Variants in HERC2 observed in about 807,000 individuals in gnomAD.
The protein encoded by HERC2 is HECT and RLD domain containing E3 ubiquitin protein ligase 2.
In HERC2, 102 loss-of-function variants were observed where a neutral mutation model predicts 537.7. That is an observed-to-expected ratio of 0.19 (90% CI 0.16 to 0.22). HERC2 has a LOEUF of 0.22. Ranked by LOEUF, HERC2 falls within the 10% of genes least tolerant of loss-of-function variation. The pLI is 1.00. For synonymous variants in HERC2, 2,224 were observed against 2,466.2 expected, an observed-to-expected ratio of 0.90 and a Z score of 2.91; for missense variants, 4,236 against 6,198.2, an observed-to-expected ratio of 0.68 and a Z score of 10.63.
At chr15:28,144,259 C>A (rs764522325) in intron 72 of HERC2, 24 bp from the exon 73 acceptor site, 8 of 1,608,226 alleles carry the variant, frequency 5.0e-6, no homozygotes, top group Non-Finnish European at 6.8e-6. Flanking sequence ...CTGTAAACAT[C>A]CCCGGGTTTC....
chr15:28,283,448 T>C, intron 4 of HERC2, among the ~76,000 whole-genome samples: 1 of 152,096 alleles, frequency 6.6e-6, no homozygotes, highest in East Asian at 1.9e-4. Flanking sequence ...AATTCTTATA[T>C]CCAGCAAAAA....
At chr15:28,282,748 A>G (rs2076051407) in intron 4 of HERC2, among the ~76,000 whole-genome samples, 1 of 152,170 alleles carries the variant, frequency 6.6e-6, no homozygotes, top group African/African-American at 2.4e-5. Flanking sequence ...CCTGGCCAAC[A>G]TGGTGAAACC....
intron 25 of HERC2, among the ~76,000 whole-genome samples, chr15:28,237,434 T>C (rs1902578865): frequency 1.3e-5 from 2 of 152,248 alleles, no homozygotes; most frequent in Non-Finnish European, 2.9e-5. Flanking sequence ...TCAGAAAGTA[T>C]AATGAATTGT....
intron 3 of HERC2, among the ~76,000 whole-genome samples, chr15:28,295,448 T>C (rs180970316): frequency 1.8e-4 from 28 of 152,290 alleles, no homozygotes; most frequent in African/African-American, 6.5e-4. Context: ...AGACAGAGTC[T>C]TGACTCACCA....
chr15:28,239,132 A>G (rs1596305075), intron 23 of HERC2, among the ~76,000 whole-genome samples: 1 of 152,230 alleles, frequency 6.6e-6, no homozygotes, highest in East Asian at 1.9e-4. Context: ...CACATATTTG[A>G]AAATTATAAA....
intron 45 of HERC2, among the ~76,000 whole-genome samples, chr15:28,204,151 A>C (rs1471704415): frequency 6.6e-6 from 1 of 152,108 alleles, no homozygotes; most frequent in Non-Finnish European, 1.5e-5. Flanking sequence ...TGTAACGTCC[A>C]AAGAATCCAG....
At chr15:28,247,899 A>C (rs1398686954) in intron 21 of HERC2, among the ~76,000 whole-genome samples, 1 of 152,202 alleles carries the variant, frequency 6.6e-6, no homozygotes, top group Non-Finnish European at 1.5e-5. Flanking sequence ...CTACAAAATT[A>C]CTAATGGAAG....
chr15:28,132,602 C>A, intron 80 of HERC2, 51 bp downstream of exon 80: 3 of 1,354,238 alleles, frequency 2.2e-6, no homozygotes, highest in Non-Finnish European at 2.9e-6. Context: ...CATCTGACAG[C>A]AGCAGTGAGG....
At chr15:28,275,847 G>A (rs1002971589) in intron 5 of HERC2, among the ~76,000 whole-genome samples, 2 of 151,840 alleles carry the variant, frequency 1.3e-5, no homozygotes, top group African/African-American at 2.4e-5. Flanking sequence ...TGCACAGCAA[G>A]TAATTGTATG....
intron 20 of HERC2, 77 bp downstream of exon 20, chr15:28,254,263 A>G: frequency 9.4e-7 from 1 of 1,058,304 alleles, no homozygotes; most frequent in South Asian, 1.5e-5. Flanking sequence ...GGCCTGGGCA[A>G]CAAGAGCGAA....
intron 37 of HERC2, among the ~76,000 whole-genome samples, chr15:28,219,576 G>A (rs986566685): frequency 2.0e-5 from 3 of 152,238 alleles, no homozygotes; most frequent in African/African-American, 7.2e-5. Flanking sequence ...CCAGGCCCCA[G>A]AAGTGACGTG....
chr15:28,130,673 A>G lies in HERC2; in HGVS notation c.12571-79T>C, dbSNP rs1890016593. 1.6e-5 allele frequency: 16 copies of G among 974,652 alleles called. 1 individual carries two copies. Among genetic ancestry groups the G allele is most frequent in the South Asian group, 1.6e-4 (12 of 75,826 alleles). 60.4% of individuals were successfully genotyped at this position (974,652 alleles called of 1,614,324 possible). ...GCTATAACCACACTGAGATTTAACT[A>G]AATCTAGTAAGAATTCTGAAAACTT... is the stretch of plus-strand genomic sequence containing the variant. On this transcript the variant is annotated intron_variant, in intron 81 of 92. Coordinates refer to ENST00000261609, the MANE Select transcript of HERC2 (RefSeq NM_004667.6).
In HERC2 at chr15:28,151,473, C is replaced by T. The variant is rs1009256149; in HGVS notation, c.10900+1204G>A. Among the ~76,000 whole-genome samples, 3 of 151,952 alleles carry T rather than the reference C, an allele frequency of 2.0e-5. 1 individual carries two copies. On this transcript the variant is annotated intron_variant, in intron 70 of 92. Transcript: ENST00000261609. The stretch of plus-strand genomic sequence containing the variant: ...GACAGAGCAAGATCCTATCTCTAAA[C>T]AAATAAATACATAAATAAAATATAA...
chr15:28,158,492 G>A (rs1893242643), intron 69 of HERC2, among the ~76,000 whole-genome samples: 2 of 152,140 alleles, frequency 1.3e-5, no homozygotes. Context: ...ATTATGTAAT[G>A]GCCTTCTTTG....
Position 28,144,668 on chromosome 15 carries a change from C to A in HERC2, c.11140+5G>T, listed in dbSNP as rs200587201. On this transcript the variant is annotated splice_donor_5th_base_variant and intron_variant, in intron 72 of 92. Transcript: ENST00000261609. ...AACCTTGATCGCCATAAGCCCCTTC[C>A]TTACCAGCAGCTGGCATGATGGGAT... 1 of 1,614,212 alleles carries A rather than the reference C, an allele frequency of 6.2e-7. No homozygotes were observed. The highest frequency in any genetic ancestry group is 1.7e-5 in the Admixed American group (1 of 60,036).
intron 69 of HERC2, among the ~76,000 whole-genome samples, chr15:28,154,226 AG>A (rs2142358694): frequency 6.6e-6 from 1 of 152,350 alleles, no homozygotes; most frequent in African/African-American, 2.4e-5. Context: ...TTTTAGAAAT[AG>A]ATTATTCTTT....
At chr15:28,210,102 C>T (rs1417794859) in intron 44 of HERC2, among the ~76,000 whole-genome samples, 1 of 151,764 alleles carries the variant, frequency 6.6e-6, no homozygotes, top group Admixed American at 6.6e-5. Context: ...GCTGGGATTA[C>T]AGGCGGCCAC....
rs1159435016 is a variant in HERC2, at chr15:28,311,413, C to T, written c.72+9949G>A. Among the ~76,000 whole-genome samples, 19 of 152,122 alleles carry T rather than the reference C, an allele frequency of 1.2e-4. No homozygotes were observed. In the South Asian group the frequency reaches 1.9e-3, roughly 15 times the overall value. ...CGGGGAGGTTAAGGCTGCAGTGAGC[C>T]GTGACGGTGCCACTGCATTCCAGCC... On this transcript the variant is annotated intron_variant, in intron 2 of 92. Transcript: ENST00000261609.
At chr15:28,231,356 G>A (rs1901821168) in intron 30 of HERC2, among the ~76,000 whole-genome samples, 1 of 152,076 alleles carries the variant, frequency 6.6e-6, no homozygotes, top group Non-Finnish European at 1.5e-5. Context: ...TGGTATACCT[G>A]ACACCCAGGA....
Sources: gnomAD v4.1 joint callset for allele counts (sites outside exome capture counted in the v4.1 genomes callset) on GRCh38, gnomAD v4.1.1 for gene constraint, MANE v1.5 for transcripts, NCBI Gene and HGNC (gene_info 2026-07-23, HGNC 2026-07-21) for gene names.